The following NLRP1 variants were observed in gnomAD, a reference collection of about 807,000 sequenced individuals.
NLRP1 encodes the protein NLR family pyrin domain containing 1.
In NLRP1, 94 loss-of-function variants were observed where a neutral mutation model predicts 136.7. That is an observed-to-expected ratio of 0.69 (90% CI 0.58 to 0.82). The LOEUF is 0.82. NLRP1 is among the 40% of genes least tolerant of loss of function. The pLI is 0.00. For synonymous variants in NLRP1, 690 were observed against 725.1 expected, an observed-to-expected ratio of 0.95 and a Z score of 0.78; for missense variants, 1,575 against 1,802.7, an observed-to-expected ratio of 0.87 and a Z score of 2.29.
chr17:5,545,319 C>T (rs576499067), intron 5 of NLRP1, among the ~76,000 whole-genome samples: 1 of 136,168 alleles, frequency 7.3e-6, no homozygotes, highest in Non-Finnish European at 1.6e-5. Context: ...CCCTGTCTCT[C>T]TTACACACAG....
rs141812541 is a variant in NLRP1 at position 5,573,251 on chromosome 17, C to T, written c.652+8608G>A. Among the ~76,000 whole-genome samples, 513 of 152,262 alleles carry T rather than the reference C, an allele frequency of 3.4e-3. 2 individuals carry two copies. Among genetic ancestry groups the T allele is most frequent in the Middle Eastern group, 0.014 (4 of 294 alleles). Reference sequence around the variant, plus strand: ...AGCAGTCTGAGATTGAACAGCAAGGCGGCAGTGAGGCGGGGGGAGGGGTGC... The same window carrying T: ...AGCAGTCTGAGATTGAACAGCAAGGTGGCAGTGAGGCGGGGGGAGGGGTGC... On this transcript the variant is annotated intron_variant, in intron 3 of 16. Transcript: ENST00000572272.
At chr17:5,545,403 T>TAC (rs755572749) in intron 5 of NLRP1, among the ~76,000 whole-genome samples, 6 of 103,834 alleles carry the variant, frequency 5.8e-5, no homozygotes, top group Non-Finnish European at 1.2e-4. Flanking sequence ...CACACACGGA[T>TAC]ACACACACAC....
chr17:5,517,537 G>A (rs780808064), intron 15 of NLRP1, among the ~76,000 whole-genome samples: 14 of 152,130 alleles, frequency 9.2e-5, no homozygotes, highest in South Asian at 2.1e-4. Flanking sequence ...ACAGGCACGC[G>A]CTACCACGCC....
chr17:5,519,307 G>A (rs1034573497), intron 14 of NLRP1, among the ~76,000 whole-genome samples: 2 of 151,330 alleles, frequency 1.3e-5, no homozygotes, highest in East Asian at 2.0e-4. Context: ...CGGCCCTCCC[G>A]GCTAATTTTT....
At chr17:5,512,535 G>C, downstream of NLRP1, 1 of 588,342 alleles carries the variant, frequency 1.7e-6, no homozygotes, top group Non-Finnish European at 3.2e-6. Context: ...TGTCCTCTTG[G>C]AGGAAGGGTT....
At chr17:5,528,130 T>A (rs1013143414) in intron 12 of NLRP1, among the ~76,000 whole-genome samples, 1 of 152,204 alleles carries the variant, frequency 6.6e-6, no homozygotes, top group African/African-American at 2.4e-5. Context: ...TTGCTGCTGG[T>A]CATGGGCAGA....
chr17:5,533,173 C>A, intron 10 of NLRP1, 131 bp downstream of exon 10: 1 of 1,493,544 alleles, frequency 6.7e-7, no homozygotes. Flanking sequence ...CCAGTGCCTC[C>A]AGCCCAGCCT....
intron 14 of NLRP1, among the ~76,000 whole-genome samples, chr17:5,520,676 T>G (rs2151741324): frequency 1.3e-5 from 2 of 152,336 alleles, no homozygotes; most frequent in South Asian, 4.1e-4. Flanking sequence ...CCCATCATCC[T>G]TCACATCCTG....
At chr17:5,572,634 C>G (rs190219072) in intron 3 of NLRP1, among the ~76,000 whole-genome samples, 1 of 150,916 alleles carries the variant, frequency 6.6e-6, no homozygotes, top group Non-Finnish European at 1.5e-5. Context: ...CCCTTGAGCC[C>G]GTGAGGTGGA....
At chr17:5,547,231 T>C (rs929429560) in intron 5 of NLRP1, among the ~76,000 whole-genome samples, 7 of 152,066 alleles carry the variant, frequency 4.6e-5, no homozygotes, top group African/African-American at 1.4e-4. Flanking sequence ...CCTAAGTACA[T>C]AGCATACATG....
At chr17:5,513,746 GA>G (rs887822855), downstream of NLRP1, among the ~76,000 whole-genome samples, 1 of 152,170 alleles carries the variant, frequency 6.6e-6, no homozygotes, top group Non-Finnish European at 1.5e-5. Context: ...GTGGGGATAA[GA>G]TAGGAGGTTG....
chr17:5,539,994 C>T (rs777888288), intron 6 of NLRP1, among the ~76,000 whole-genome samples: 7 of 152,206 alleles, frequency 4.6e-5, no homozygotes, highest in East Asian at 1.9e-4. Flanking sequence ...CCACCGTGCC[C>T]GGCCGGTAGG....
chr17:5,581,641 G>A (rs1905654874), intron 3 of NLRP1, among the ~76,000 whole-genome samples: 1 of 152,150 alleles, frequency 6.6e-6, no homozygotes, highest in Admixed American at 6.5e-5. Context: ...TCCCCCAGAT[G>A]TGCTGGGTAA....
At position 5,533,986 on chromosome 17, in the gene NLRP1, T is replaced by C. The variant is rs765304818; in HGVS notation, c.2963A>G (p.Lys988Arg). ...KPQLLIFSRRKPSVMTPTEGL... is the reference protein window; with the variant it reads ...KPQLLIFSRRRPSVMTPTEGL... ...CTCAGTAGGGGTCATCACACTTGGT[T>C]TCCTGGACAAAGAATTGTTCATTCT... The change falls in exon 9 of 17, where the codon AAA (lysine) becomes AGA (arginine). Residue 988 changes from lysine to arginine, a missense_variant and splice_region_variant. Physicochemically the swap from Lys to Arg is conservative, Grantham distance 26 (BLOSUM62 2). Coordinates refer to ENST00000572272, the MANE Select transcript of NLRP1 (RefSeq NM_033004.4). The C allele has an allele frequency of 1.9e-5, 30 of 1,604,436 alleles. No individual in the cohort carries two copies. Among genetic ancestry groups the C allele is most frequent in the Non-Finnish European group, 2.4e-5 (28 of 1,171,280 alleles).
intron 3 of NLRP1, among the ~76,000 whole-genome samples, chr17:5,579,270 A>T (rs574121879): frequency 1.8e-4 from 27 of 152,150 alleles, no homozygotes; most frequent in African/African-American, 6.5e-4. Flanking sequence ...AAAAAAAAAA[A>T]AATAAGATCA....
In NLRP1 at chr17:5,517,836, A is replaced by ACTCCGAGAACAGCTGGTCTT; in HGVS notation, c.3947_3966dup (p.Phe1323LysfsTer21). ...CCTGATCCCAAGTGGCCAACGTAGAACTCCGAGAACAGCTGGTCTTCTCCA... is the reference window on the plus strand; with the variant it reads ...CCTGATCCCAAGTGGCCAACGTAGAACTCCGAGAACAGCTGGTCTTCTCCGAGAACAGCTGGTCTTCTCCA... On this transcript the variant is annotated frameshift_variant, in exon 15 of 17. Transcript: ENST00000572272. LOFTEE classifies it high-confidence loss of function. 1 of 1,614,018 alleles carries ACTCCGAGAACAGCTGGTCTT rather than the reference A, an allele frequency of 6.2e-7. No homozygotes were observed. The highest frequency in any genetic ancestry group is 8.5e-7 in the Non-Finnish European group (1 of 1,180,008).
chr17:5,558,563 C>G lies in NLRP1; in HGVS notation c.2133G>C (p.Leu711=), dbSNP rs745750833. Residue 711 remains leucine, a synonymous_variant, in exon 4 of 17, where the codon CTG becomes CTC. Transcript: ENST00000572272. ...MQWVPSLQLL[L]QPHSLESLHC... ...GGAGGGACTCCAGAGAGTGTGGCTG[C>G]AGCAGCAGCTGCAGGGACGGGACCC... The G allele has an allele frequency of 6.2e-7, 1 of 1,613,844 alleles. No homozygotes were observed. Among genetic ancestry groups the G allele is most frequent in the African/African-American group, 1.3e-5 (1 of 74,902 alleles).
At chr17:5,501,714 C>G in exon 16 of NLRP1, 1 of 901,336 alleles carries the variant, frequency 1.1e-6, no homozygotes, top group Non-Finnish European at 1.8e-6. Context: ...CCTGCCTCAC[C>G]TAAGCCCATT....
At chr17:5,569,268 A>G (rs1190703841) in intron 3 of NLRP1, among the ~76,000 whole-genome samples, 4 of 152,186 alleles carry the variant, frequency 2.6e-5, no homozygotes, top group Admixed American at 2.6e-4. Flanking sequence ...AAACTCACAC[A>G]TATCGATATT....
Sources: gnomAD v4.1 joint callset for allele counts (sites outside exome capture counted in the v4.1 genomes callset) on GRCh38, gnomAD v4.1.1 for gene constraint, MANE v1.5 for transcripts, NCBI Gene and HGNC (gene_info 2026-07-23, HGNC 2026-07-21) for gene names.